The following ATP6V1A variants were observed in gnomAD, a reference collection of about 807,000 sequenced individuals.
The protein encoded by ATP6V1A is ATPase H+ transporting V1 subunit A.
A neutral mutation model predicts 70.1 loss-of-function variants in ATP6V1A; 18 were observed. That is an observed-to-expected ratio of 0.26 (90% confidence interval 0.18 to 0.38). The LOEUF is 0.38. ATP6V1A is among the 10% of genes least tolerant of loss of function. ATP6V1A has a pLI of 1.00. For synonymous variants in ATP6V1A, 232 were observed against 253.8 expected (o/e 0.91, Z 0.82); for missense variants, 424 against 772.4 (o/e 0.55, Z 5.35).
At position 113,811,838 on chromosome 3, in the gene ATP6V1A, T is replaced by A. The variant is rs1015441965; in HGVS notation, c.*2411T>A. The A allele has an allele frequency of 1.3e-5, 2 of 152,640 alleles. No homozygotes were observed. The highest frequency in any genetic ancestry group is 4.8e-5 in the African/African-American group (2 of 41,462). The allele number at this position is 152,640 out of a possible 1,614,324, so 9.5% of individuals were successfully genotyped here. ...ATGCAGTTCTGTATTTATTGTGCTG[T>A]GTCTGGTCCTAAGTGGAGCCAATTA... On this transcript the variant is annotated 3_prime_UTR_variant, in exon 15 of 15. Transcript: ENST00000273398.
intron 7 of ATP6V1A, 69 bp downstream of exon 7, chr3:113,788,944 A>G: frequency 7.0e-7 from 1 of 1,433,216 alleles, no homozygotes; most frequent in Non-Finnish European, 9.7e-7. Flanking sequence ...ACAATTAATA[A>G]AGCTTTGTGT....
At chr3:113,751,082 A>C (rs930152582) in intron 1 of ATP6V1A, among the ~76,000 whole-genome samples, 2 of 152,126 alleles carry the variant, frequency 1.3e-5, no homozygotes, top group Non-Finnish European at 2.9e-5. Flanking sequence ...TTCAATTTTG[A>C]AGTTTTTATT....
intron 7 of ATP6V1A, among the ~76,000 whole-genome samples, chr3:113,789,168 C>T (rs939357695): frequency 3.3e-5 from 5 of 152,158 alleles, no homozygotes; most frequent in African/African-American, 1.2e-4. Flanking sequence ...CTTCCTCAGC[C>T]TCCTGAGTAG....
chr3:113,748,392 G>A (rs890898771), intron 1 of ATP6V1A, among the ~76,000 whole-genome samples: 2 of 152,068 alleles, frequency 1.3e-5, no homozygotes, highest in Non-Finnish European at 2.9e-5. Context: ...AAGGTCTTAC[G>A]AATATTACAA....
At chr3:113,757,991 A>G (rs1708663884) in intron 1 of ATP6V1A, among the ~76,000 whole-genome samples, 1 of 152,174 alleles carries the variant, frequency 6.6e-6, no homozygotes, top group African/African-American at 2.4e-5. Flanking sequence ...TGAAAATACA[A>G]AAATTAGCTG....
intron 1 of ATP6V1A, among the ~76,000 whole-genome samples, chr3:113,773,383 T>C (rs996179833): frequency 2.0e-5 from 3 of 152,226 alleles, no homozygotes; most frequent in Admixed American, 1.3e-4. Flanking sequence ...CTCTTATTAG[T>C]ATGATGTCAC....
chr3:113,808,475 G>A (rs1250350219), intron 14 of ATP6V1A, among the ~76,000 whole-genome samples: 1 of 151,728 alleles, frequency 6.6e-6, no homozygotes, highest in East Asian at 2.0e-4. Context: ...TGTATTTTTA[G>A]TAGAGACAGG....
chr3:113,760,597 G>A (rs369751576), intron 1 of ATP6V1A, among the ~76,000 whole-genome samples: 5 of 148,296 alleles, frequency 3.4e-5, no homozygotes, highest in East Asian at 2.1e-4. Context: ...GCGTGGTGGC[G>A]GGTGCCTGTA....
At chr3:113,807,105 GATAA>G (rs1709283140) in intron 14 of ATP6V1A, among the ~76,000 whole-genome samples, 1 of 151,764 alleles carries the variant, frequency 6.6e-6, no homozygotes, top group South Asian at 2.1e-4. Flanking sequence ...TTCACCTTGA[GATAA>G]ATAAACAAAG....
chr3:113,795,974 CT>C, intron 11 of ATP6V1A, 35 bp downstream of exon 11: 1 of 1,523,308 alleles, frequency 6.6e-7, no homozygotes, highest in Non-Finnish European at 9.0e-7. Context: ...ACTTCTGAGC[CT>C]TTCCTCCTCT....
intron 13 of ATP6V1A, 108 bp from the exon 14 acceptor site, chr3:113,805,246 A>C: frequency 9.2e-7 from 1 of 1,090,532 alleles, no homozygotes; most frequent in South Asian, 1.5e-5. Flanking sequence ...ATAAATAAGC[A>C]ATCTGCATAC....
rs1225171050 is a variant in ATP6V1A at position 113,795,219 on chromosome 3, T to C, written c.1226+15T>C. Reference sequence around the variant, plus strand: ...ATTGTAGGAGCGTAAGCACCCACACTATTTACTTTGCAAAAGGAAAAAAGT... The same window carrying C: ...ATTGTAGGAGCGTAAGCACCCACACCATTTACTTTGCAAAAGGAAAAAAGT... On this transcript the variant is annotated intron_variant, in intron 10 of 14. Transcript: ENST00000273398. 4 of 1,606,954 alleles carry C rather than the reference T, an allele frequency of 2.5e-6. No individual in the cohort carries two copies. The highest frequency in any genetic ancestry group is 3.4e-6 in the Non-Finnish European group (4 of 1,177,686).
intron 1 of ATP6V1A, among the ~76,000 whole-genome samples, chr3:113,774,934 A>G (rs1462095614): frequency 6.6e-6 from 1 of 152,160 alleles, no homozygotes; most frequent in African/African-American, 2.4e-5. Flanking sequence ...AGAAATATTG[A>G]CCTTGTGAAA....
At chr3:113,779,077 T>C in intron 2 of ATP6V1A, 1 of 299,116 alleles carries the variant, frequency 3.3e-6, no homozygotes, top group Admixed American at 5.0e-5. Flanking sequence ...TTTATAATTA[T>C]GTAAATGTTC....
intron 1 of ATP6V1A, among the ~76,000 whole-genome samples, chr3:113,749,267 A>T (rs1305113188): frequency 2.3e-4 from 18 of 78,612 alleles, no homozygotes; most frequent in African/African-American, 3.9e-4. Context: ...CACAGATCAC[A>T]CACACACACA....
intron 10 of ATP6V1A, 94 bp downstream of exon 10, chr3:113,795,298 T>G: frequency 7.6e-7 from 1 of 1,319,940 alleles, no homozygotes; most frequent in Non-Finnish European, 1.0e-6. Flanking sequence ...AGAGAATATT[T>G]AGCTCCCGCT....
intron 10 of ATP6V1A, 135 bp from the exon 11 acceptor site, chr3:113,795,741 A>G (rs2108038652): frequency 2.9e-6 from 2 of 688,558 alleles, no homozygotes; most frequent in Admixed American, 3.5e-5. Flanking sequence ...GGTCATTTCT[A>G]AAGTTATTTA....
intron 1 of ATP6V1A, among the ~76,000 whole-genome samples, chr3:113,771,205 TGA>T (rs1708836521): frequency 6.6e-6 from 1 of 152,202 alleles, no homozygotes; most frequent in Non-Finnish European, 1.5e-5. Flanking sequence ...TATTTTTCAC[TGA>T]GAGGCGTAAG....
At chr3:113,769,466 T>G (rs999586802) in intron 1 of ATP6V1A, among the ~76,000 whole-genome samples, 3 of 152,184 alleles carry the variant, frequency 2.0e-5, no homozygotes, top group African/African-American at 4.8e-5. Flanking sequence ...AAATAATGCT[T>G]CATTATCAAT....
Sources: allele counts gnomAD v4.1 joint callset (sites outside exome capture counted in the v4.1 genomes callset), GRCh38; gene constraint gnomAD v4.1.1; transcripts MANE v1.5; gene names NCBI Gene and HGNC (gene_info 2026-07-23, HGNC 2026-07-21).